PDE2A: variants seen among roughly 807,000 people sequenced by gnomAD.
PDE2A encodes the protein cGMP-dependent 3',5'-cyclic phosphodiesterase.
PDE2A carries 53 observed loss-of-function variants against 133.6 expected under a neutral mutation model. The observed-to-expected ratio is 0.40, with a 90% CI of 0.32 to 0.50. The LOEUF is 0.50. Ranked by LOEUF, PDE2A falls within the 20% of genes least tolerant of loss-of-function variation. The pLI, the probability that PDE2A is intolerant of heterozygous loss-of-function variation, is 0.73. For synonymous variants in PDE2A, 491 were observed against 490.2 expected, an observed-to-expected ratio of 1.00 and a Z score of -0.02; for missense variants, 796 against 1,232.4, an observed-to-expected ratio of 0.65 and a Z score of 5.30.
intron 1 of PDE2A, among the ~76,000 whole-genome samples, chr11:72,656,365 A>C (rs771361868): frequency 6.6e-6 from 1 of 152,204 alleles, no homozygotes; most frequent in Non-Finnish European, 1.5e-5. Context: ...CCTGAGGAGA[A>C]TGTGAGGGGC....
Position 72,608,694 on chromosome 11 carries a change from T to C in PDE2A, c.202A>G (p.Lys68Glu). 1 of 1,577,064 alleles carries C rather than the reference T, an allele frequency of 6.3e-7. No individual in the cohort carries two copies. The highest frequency in any genetic ancestry group is 8.6e-7 in the Non-Finnish European group (1 of 1,161,220). The change falls in exon 3 of 31, where the codon AAG becomes GAG. Residue 68 changes from lysine (K) to glutamate (E), a missense_variant. Physicochemically the swap from Lys to Glu is moderately conservative, Grantham distance 56 (BLOSUM62 1). Coordinates refer to ENST00000334456, the MANE Select transcript of PDE2A (RefSeq NM_002599.5). ...IDISGLQRAV[K>E]EALSAVLPRV... ...GGGAGCACAGCTGACAGGGCCTCCT[T>C]GACAGCACGTTGCAGGCCTGAAATG...
At chr11:72,602,503 C>T (rs1006100058) in intron 4 of PDE2A, among the ~76,000 whole-genome samples, 3 of 152,204 alleles carry the variant, frequency 2.0e-5, no homozygotes, top group Non-Finnish European at 4.4e-5. Flanking sequence ...CCTCAGGCTC[C>T]ACGGCAGCCT....
chr11:72,585,906 G>A lies in PDE2A; in HGVS notation c.1182+164C>T, dbSNP rs527652689. Among the ~76,000 whole-genome samples the A allele has an allele frequency of 3.9e-5, 6 of 152,302 alleles. No individual in the cohort carries two copies. In the East Asian group the frequency reaches 9.6e-4, roughly 24 times the overall value. ...ATACAGTGCCTGCGGGCAGTGGCGC[G>A]GGTCCTGAACAACTGCAAGCCTTCA... On this transcript the variant is annotated intron_variant, in intron 14 of 30. Transcript: ENST00000334456.
chr11:72,593,055 C>G (rs1856322237), intron 6 of PDE2A, among the ~76,000 whole-genome samples: 2 of 152,018 alleles, frequency 1.3e-5, no homozygotes, highest in African/African-American at 4.8e-5. Context: ...GTGGGGGCAA[C>G]CAGTTCTCGG....
chr11:72,579,027 G>C lies in PDE2A; in HGVS notation c.2357-18C>G. On this transcript the variant is annotated intron_variant, in intron 27 of 30. Coordinates refer to ENST00000334456, the MANE Select transcript of PDE2A (RefSeq NM_002599.5). ...GTAGCCCACTGTTGAGGGGAGGATG[G>C]GGTCAAGGAGCGGGGCCCAGCCTCT... 6.4e-7 allele frequency: 1 copy of C among 1,551,894 alleles called. No homozygotes were observed. Among genetic ancestry groups the C allele is most frequent in the Non-Finnish European group, 8.9e-7 (1 of 1,123,608 alleles).
intron 2 of PDE2A, among the ~76,000 whole-genome samples, chr11:72,610,515 A>T (rs80009312): frequency 0.019 from 2,909 of 152,088 alleles, 102 homozygotes; most frequent in African/African-American, 0.066. Flanking sequence ...CACCCAATCC[A>T]GTGTTCCCAG....
chr11:72,654,378 C>T (rs759680337), intron 1 of PDE2A, among the ~76,000 whole-genome samples: 2 of 152,222 alleles, frequency 1.3e-5, no homozygotes, highest in Non-Finnish European at 2.9e-5. Flanking sequence ...TGCCAGCCAG[C>T]AGGTGCCTGA....
intron 1 of PDE2A, among the ~76,000 whole-genome samples, chr11:72,655,881 G>A (rs984734337): frequency 3.9e-5 from 6 of 152,122 alleles, no homozygotes; most frequent in South Asian, 2.1e-4. Context: ...CCTAACCCTC[G>A]GGCCCCCCAG....
intron 1 of PDE2A, among the ~76,000 whole-genome samples, chr11:72,651,615 G>C (rs1199416457): frequency 6.6e-6 from 1 of 152,212 alleles, no homozygotes; most frequent in African/African-American, 2.4e-5. Context: ...TCCTTGAAAG[G>C]TGGCTGTGAA....
At position 72,577,536 on chromosome 11, in the gene PDE2A, G is replaced by A. The variant is rs17857242; in HGVS notation, c.2674C>T (p.Arg892Cys). The change falls in exon 31 of 31, where the codon CGT becomes TGT. Residue 892 changes from arginine to cysteine, a missense_variant. Coordinates refer to ENST00000334456, the MANE Select transcript of PDE2A (RefSeq NM_002599.5). ...TGGGACACCTTGGTCCAGTGCTCACGGTTGGAGGCCACGCGCTCGTACAGC... is the reference window on the plus strand; with the variant it reads ...TGGGACACCTTGGTCCAGTGCTCACAGTTGGAGGCCACGCGCTCGTACAGC... Reference protein sequence around the residue: ...AELYERVASNREHWTKVSHKF... With the variant: ...AELYERVASNCEHWTKVSHKF... The A allele has an allele frequency of 2.5e-6, 4 of 1,611,704 alleles. No individual in the cohort carries two copies. The highest frequency in any genetic ancestry group is 3.4e-6 in the Non-Finnish European group (4 of 1,179,998).
chr11:72,668,429 G>C, intron 1 of PDE2A: 1 of 717,264 alleles, frequency 1.4e-6, no homozygotes, highest in Non-Finnish European at 2.6e-6. Flanking sequence ...GTAAACTTCT[G>C]TGTGAACATG....
intron 2 of PDE2A, among the ~76,000 whole-genome samples, chr11:72,625,958 G>T (rs979094626): frequency 2.0e-5 from 3 of 152,242 alleles, no homozygotes; most frequent in African/African-American, 7.2e-5. Context: ...GGTGGGGGGT[G>T]GGGCCGGCTG....
chr11:72,583,240 C>A (rs1855802951), intron 20 of PDE2A, among the ~76,000 whole-genome samples, 198 bp downstream of exon 20: 1 of 152,202 alleles, frequency 6.6e-6, no homozygotes. Flanking sequence ...CTACTTCCAG[C>A]CTTGGGACTG....
chr11:72,647,790 A>G (rs1859169282), intron 1 of PDE2A, among the ~76,000 whole-genome samples: 1 of 152,194 alleles, frequency 6.6e-6, no homozygotes, highest in Non-Finnish European at 1.5e-5. Context: ...GCATGTGTGT[A>G]AGGCTGCACA....
chr11:72,581,040 A>G, intron 23 of PDE2A, 67 bp from the exon 24 acceptor site: 1 of 1,099,350 alleles, frequency 9.1e-7, no homozygotes, highest in Admixed American at 1.7e-5. Context: ...AATCCCCAAG[A>G]GGACAGACAG....
intron 2 of PDE2A, chr11:72,635,905 C>T: frequency 9.7e-7 from 1 of 1,033,504 alleles, no homozygotes; most frequent in Non-Finnish European, 1.2e-6. Flanking sequence ...GCTCTCACTC[C>T]CGGCCCTCTC....
At chr11:72,652,064 G>C (rs1490558732) in intron 1 of PDE2A, among the ~76,000 whole-genome samples, 3 of 152,230 alleles carry the variant, frequency 2.0e-5, no homozygotes, top group African/African-American at 7.2e-5. Context: ...GCCTGGCAGG[G>C]AAAAGGAACC....
intron 1 of PDE2A, among the ~76,000 whole-genome samples, chr11:72,650,888 C>G (rs1218450378): frequency 9.6e-6 from 1 of 103,846 alleles, no homozygotes; most frequent in Non-Finnish European, 2.3e-5. Flanking sequence ...CACACACACA[C>G]ACACACACAC....
chr11:72,645,801 C>T (rs188221693), intron 1 of PDE2A, among the ~76,000 whole-genome samples: 24 of 152,334 alleles, frequency 1.6e-4, no homozygotes, highest in African/African-American at 5.1e-4. Context: ...TGAGCACATA[C>T]TGTGTGCCTC....
Sources: allele counts gnomAD v4.1 joint callset (sites outside exome capture counted in the v4.1 genomes callset), GRCh38; gene constraint gnomAD v4.1.1; transcripts MANE v1.5; gene names NCBI Gene and HGNC (gene_info 2026-07-23, HGNC 2026-07-21).